The following DSCAM variants were observed in gnomAD, a reference collection of about 807,000 sequenced individuals.
The protein encoded by DSCAM is DS cell adhesion molecule.
DSCAM carries 47 observed loss-of-function variants against 217.7 expected under a neutral mutation model. The ratio of observed to expected loss-of-function variants is 0.22; its 90% CI spans 0.17 to 0.28. The LOEUF is 0.28. DSCAM is among the 10% of genes least tolerant of loss of function. DSCAM has a pLI of 1.00. For synonymous variants in DSCAM, 1,056 were observed against 1,015.3 expected (o/e 1.04, Z -0.76); for missense variants, 2,080 against 2,618.3 (o/e 0.79, Z 4.49).
intron 1 of DSCAM, among the ~76,000 whole-genome samples, chr21:40,764,934 A>C (rs949114276): frequency 1.3e-5 from 2 of 152,048 alleles, no homozygotes; most frequent in Non-Finnish European, 2.9e-5. Context: ...GGAACATCAC[A>C]CACCGGGGCC....
intron 3 of DSCAM, among the ~76,000 whole-genome samples, chr21:40,635,294 G>A (rs538572716): frequency 7.2e-5 from 11 of 152,210 alleles, no homozygotes; most frequent in Non-Finnish European, 1.3e-4. Flanking sequence ...CAGGGCAGCA[G>A]TACCAAATGC....
chr21:40,466,993 A>G (rs1261709539), intron 3 of DSCAM, among the ~76,000 whole-genome samples: 1 of 152,192 alleles, frequency 6.6e-6, no homozygotes, highest in African/African-American at 2.4e-5. Context: ...TTATTTTTAA[A>G]TGCCTATACT....
rs751623656 is a variant in DSCAM at position 40,179,067 on chromosome 21, T to C, written c.2807A>G (p.Lys936Arg). ...SDSWDSAQRT[K>R]DVSPQLNSAT... ...CGAGTTCAGCTGAGGGGAAACATCTTTGGTTCTCTGAGCAGAATCCCAGGA... is the reference window on the plus strand; with the variant it reads ...CGAGTTCAGCTGAGGGGAAACATCTCTGGTTCTCTGAGCAGAATCCCAGGA... Residue 936 changes from lysine to arginine, a missense_variant, in exon 15 of 33, where the codon AAA becomes AGA. Coordinates refer to ENST00000400454, the MANE Select transcript of DSCAM (RefSeq NM_001389.5). 93 of 1,613,876 alleles carry C rather than the reference T, an allele frequency of 5.8e-5. No individual in the cohort carries two copies. The highest frequency in any genetic ancestry group is 7.4e-5 in the Non-Finnish European group (87 of 1,180,004).
At chr21:40,687,485 C>T (rs2090492287) in intron 3 of DSCAM, among the ~76,000 whole-genome samples, 1 of 152,114 alleles carries the variant, frequency 6.6e-6, no homozygotes, top group Non-Finnish European at 1.5e-5. Flanking sequence ...CTTCTATAGT[C>T]AAGAGTGCAC....
chr21:40,652,152 G>A (rs1026346244), intron 3 of DSCAM, among the ~76,000 whole-genome samples: 1 of 127,938 alleles, frequency 7.8e-6, no homozygotes, highest in Non-Finnish European at 1.6e-5. Context: ...GGGGCCTGTT[G>A]AAGGGTGGGG....
At chr21:40,739,267 G>C (rs2146539302) in intron 1 of DSCAM, among the ~76,000 whole-genome samples, 1 of 152,258 alleles carries the variant, frequency 6.6e-6, no homozygotes, top group East Asian at 1.9e-4. Flanking sequence ...TGGGGGCCAT[G>C]CCCTTGAGGA....
At chr21:40,636,263 A>G (rs2089757023) in intron 3 of DSCAM, among the ~76,000 whole-genome samples, 1 of 152,090 alleles carries the variant, frequency 6.6e-6, no homozygotes, top group Non-Finnish European at 1.5e-5. Context: ...TGCGGAGCTC[A>G]AAGGAATCTG....
chr21:40,442,986 T>C (rs2075645239), intron 3 of DSCAM, among the ~76,000 whole-genome samples: 1 of 152,222 alleles, frequency 6.6e-6, no homozygotes, highest in African/African-American at 2.4e-5. Flanking sequence ...GGAGAGAGTA[T>C]AACTGTTCTT....
At chr21:40,375,179 T>C (rs2074937766) in intron 3 of DSCAM, among the ~76,000 whole-genome samples, 1 of 152,216 alleles carries the variant, frequency 6.6e-6, no homozygotes. Flanking sequence ...ATATCCTGAA[T>C]CCATCCACTT....
chr21:40,720,492 T>G (rs1271241393), intron 1 of DSCAM, among the ~76,000 whole-genome samples: 9 of 152,168 alleles, frequency 5.9e-5, no homozygotes, highest in Non-Finnish European at 1.2e-4. Context: ...TTATAGCAAT[T>G]TTGCCTTTAA....
chr21:40,081,536 C>T (rs1184144374), intron 24 of DSCAM, among the ~76,000 whole-genome samples: 8 of 152,084 alleles, frequency 5.3e-5, no homozygotes, highest in Admixed American at 3.9e-4. Flanking sequence ...CCTCATCTGA[C>T]CTCCATAAAG....
At chr21:40,578,640 A>C (rs2076876551) in intron 3 of DSCAM, among the ~76,000 whole-genome samples, 1 of 152,186 alleles carries the variant, frequency 6.6e-6, no homozygotes, top group African/African-American at 2.4e-5. Context: ...TTTGCTCTTC[A>C]CAATAAATCT....
intron 11 of DSCAM, among the ~76,000 whole-genome samples, chr21:40,240,349 G>GTTGTTTTTT (rs2073133647): frequency 1.7e-5 from 1 of 57,722 alleles, no homozygotes; most frequent in African/African-American, 7.7e-5. Flanking sequence ...TTCCTCACTG[G>GTTGTTTTTT]TTTTTTTTTT....
intron 3 of DSCAM, among the ~76,000 whole-genome samples, chr21:40,559,724 A>G (rs2076701915): frequency 6.6e-6 from 1 of 151,700 alleles, no homozygotes; most frequent in Non-Finnish European, 1.5e-5. Flanking sequence ...CAGTTCTAAG[A>G]TACTTAAGAA....
At chr21:40,152,661 T>C (rs1304327990) in intron 16 of DSCAM, among the ~76,000 whole-genome samples, 1 of 152,282 alleles carries the variant, frequency 6.6e-6, no homozygotes, top group Admixed American at 6.5e-5. Flanking sequence ...ACCATGTCAA[T>C]GTATTTGCAC....
At chr21:40,451,715 C>T (rs62225468) in intron 3 of DSCAM, among the ~76,000 whole-genome samples, 1 of 152,022 alleles carries the variant, frequency 6.6e-6, no homozygotes, top group African/African-American at 2.4e-5. Flanking sequence ...CACTAGGGTT[C>T]GAATTTCAGG....
chr21:40,675,944 T>C (rs1446424818), intron 3 of DSCAM, among the ~76,000 whole-genome samples: 1 of 152,210 alleles, frequency 6.6e-6, no homozygotes, highest in Admixed American at 6.5e-5. Context: ...CTATAGCCAC[T>C]ATTAGTAAAA....
chr21:40,485,111 C>A (rs182024995), intron 3 of DSCAM, among the ~76,000 whole-genome samples: 13 of 152,270 alleles, frequency 8.5e-5, no homozygotes, highest in Admixed American at 8.5e-4. Flanking sequence ...TCTGGCCTCA[C>A]TGACAACACA....
chr21:40,149,838 TCAC>T lies in DSCAM; in HGVS notation c.3019-5110_3019-5108del, dbSNP rs1441037528. ...CACAATCCCAACACCAACACCACTG[TCAC>T]CACAACATCCATCACTCCATCACAA... On this transcript the variant is annotated intron_variant, in intron 16 of 32. Coordinates refer to ENST00000400454, the MANE Select transcript of DSCAM (RefSeq NM_001389.5). Among the ~76,000 whole-genome samples, 6 of 149,956 alleles carry T rather than the reference TCAC, an allele frequency of 4.0e-5. 1 individual carries two copies. Among genetic ancestry groups the T allele is most frequent in the Admixed American group, 6.6e-5 (1 of 15,176 alleles).
Sources: allele counts gnomAD v4.1 joint callset (sites outside exome capture counted in the v4.1 genomes callset), GRCh38; gene constraint gnomAD v4.1.1; transcripts MANE v1.5; gene names NCBI Gene and HGNC (gene_info 2026-07-23, HGNC 2026-07-21).